The following EPHA5 variants were observed in gnomAD, a reference collection of about 807,000 sequenced individuals.
EPHA5 encodes the protein EPH receptor A5.
A neutral mutation model predicts 105.0 loss-of-function variants in EPHA5; 60 were observed. The observed-to-expected ratio is 0.57, with a 90% CI of 0.46 to 0.71. The LOEUF (loss-of-function observed/expected upper bound fraction) is 0.71. EPHA5 is among the 30% of genes least tolerant of loss of function. EPHA5 has a pLI of 0.00. For missense variants in EPHA5, 1,218 were observed against 1,274.7 expected, an observed-to-expected ratio of 0.96 and a Z score of 0.68; for synonymous variants, 513 against 449.1, an observed-to-expected ratio of 1.14 and a Z score of -1.80.
At chr4:65,356,974 A>G (rs1350208221) in intron 11 of EPHA5, among the ~76,000 whole-genome samples, 2 of 151,574 alleles carry the variant, frequency 1.3e-5, no homozygotes, top group Non-Finnish European at 3.0e-5. Context: ...GCATGTTATC[A>G]AAAATCCATA....
At chr4:65,369,784 C>G (rs1718276261) in intron 8 of EPHA5, among the ~76,000 whole-genome samples, 2 of 151,934 alleles carry the variant, frequency 1.3e-5, no homozygotes, top group Admixed American at 1.3e-4. Context: ...CTGGCCAACA[C>G]AGTGAAACCC....
Position 65,632,184 on chromosome 4 carries a change from T to A in EPHA5, c.246+11179A>T, listed in dbSNP as rs568103045. ...AATTGGATCATATCTGGAATCTAGA[T>A]TAGCTGATGTCAAGACCTCTATATT... is the stretch of plus-strand genomic sequence containing the variant. On this transcript the variant is annotated intron_variant, in intron 2 of 16. Coordinates refer to ENST00000613740, the MANE Select transcript of EPHA5 (RefSeq NM_001281766.3). Among the ~76,000 whole-genome samples the A allele has an allele frequency of 5.3e-5, 8 of 152,244 alleles. No homozygotes were observed. The East Asian group carries it at 1.2e-3, about 22-fold the overall frequency.
At chr4:65,419,381 T>C (rs534579507) in intron 6 of EPHA5, among the ~76,000 whole-genome samples, 11 of 152,142 alleles carry the variant, frequency 7.2e-5, no homozygotes, top group Non-Finnish European at 1.3e-4. Flanking sequence ...TCCCTTTTAC[T>C]CTTCCAGAAA....
At chr4:65,403,626 C>A (rs1722069623) in intron 8 of EPHA5, among the ~76,000 whole-genome samples, 1 of 151,692 alleles carries the variant, frequency 6.6e-6, no homozygotes, top group Non-Finnish European at 1.5e-5. Context: ...TTGTTTTATT[C>A]TACTTTATTG....
intron 16 of EPHA5, among the ~76,000 whole-genome samples, chr4:65,327,347 A>T (rs1720178289): frequency 6.6e-6 from 1 of 151,198 alleles, no homozygotes; most frequent in African/African-American, 2.4e-5. Context: ...ATCCCTTGAG[A>T]TGAATGTCAA....
chr4:65,358,497 C>A (rs982210764), intron 11 of EPHA5, among the ~76,000 whole-genome samples: 1 of 151,324 alleles, frequency 6.6e-6, no homozygotes, highest in African/African-American at 2.4e-5. Flanking sequence ...TTTATTCTTA[C>A]CCCAAAAGAA....
chr4:65,524,081 A>G (rs1735013741), intron 3 of EPHA5, among the ~76,000 whole-genome samples: 1 of 149,958 alleles, frequency 6.7e-6, no homozygotes, highest in Non-Finnish European at 1.5e-5. Flanking sequence ...GCTTCACCAT[A>G]TACTTCATTA....
intron 3 of EPHA5, among the ~76,000 whole-genome samples, chr4:65,578,437 T>C (rs1233687756): frequency 6.6e-6 from 1 of 152,170 alleles, no homozygotes; most frequent in Non-Finnish European, 1.5e-5. Context: ...CCAGGCTGTG[T>C]TGGGCCTGGA....
chr4:65,661,767 G>T (rs1264747978), intron 1 of EPHA5, among the ~76,000 whole-genome samples: 7 of 152,092 alleles, frequency 4.6e-5, no homozygotes, highest in Admixed American at 4.6e-4. Flanking sequence ...TCTGCCTACT[G>T]AGTTTGCCTT....
At chr4:65,595,317 G>C (rs1349068020) in intron 3 of EPHA5, among the ~76,000 whole-genome samples, 1 of 152,010 alleles carries the variant, frequency 6.6e-6, no homozygotes, top group Non-Finnish European at 1.5e-5. Flanking sequence ...GCTGGATAGA[G>C]TGCCTACTAC....
rs57048004 is a variant in EPHA5 at position 65,365,649 on chromosome 4, C to CTATATATATATA, written c.1987+271_1987+282dup. Among the ~76,000 whole-genome samples the CTATATATATATA allele has an allele frequency of 1.4e-3, 94 of 64,834 alleles. 1 individual carries two copies. The highest frequency in any genetic ancestry group is 2.3e-3 in the Non-Finnish European group (66 of 28,436). 42.5% of individuals were successfully genotyped at this position (64,834 alleles called of 152,430 possible). A position where few individuals can be genotyped will look rare whatever the true frequency, so the allele number is the denominator to read the frequency against. On this transcript the variant is annotated intron_variant, in intron 10 of 16. Coordinates refer to ENST00000613740, the MANE Select transcript of EPHA5 (RefSeq NM_001281766.3). Reference sequence around the variant, plus strand: ...AATACTTTTGGGTATTACAAATTCACTATATATATATATATATATATATAT... The same window carrying CTATATATATATA: ...AATACTTTTGGGTATTACAAATTCACTATATATATATATATATATATATATATATATATATAT...
chr4:65,654,026 T>C (rs575044035), intron 1 of EPHA5, among the ~76,000 whole-genome samples: 1 of 152,134 alleles, frequency 6.6e-6, no homozygotes, highest in African/African-American at 2.4e-5. Flanking sequence ...TCTGGGAAAG[T>C]TTTGTTGTTT....
chr4:65,432,599 A>G (rs1296797771), intron 5 of EPHA5, among the ~76,000 whole-genome samples: 2 of 151,744 alleles, frequency 1.3e-5, no homozygotes, highest in African/African-American at 2.4e-5. Flanking sequence ...ATGGAGTCTT[A>G]CTCTGTCACC....
intron 3 of EPHA5, among the ~76,000 whole-genome samples, chr4:65,573,240 T>C (rs1042161830): frequency 1.3e-5 from 2 of 150,044 alleles, no homozygotes; most frequent in Non-Finnish European, 3.0e-5. Context: ...TGAAACCCCG[T>C]CTCTACTAAA....
intron 5 of EPHA5, among the ~76,000 whole-genome samples, chr4:65,480,405 G>C (rs1041152680): frequency 6.6e-6 from 1 of 151,984 alleles, no homozygotes; most frequent in Non-Finnish European, 1.5e-5. Context: ...GTTTCTCCTC[G>C]CATAAAGGTA....
intron 5 of EPHA5, among the ~76,000 whole-genome samples, chr4:65,474,794 T>C (rs932917495): frequency 2.0e-5 from 3 of 152,164 alleles, no homozygotes; most frequent in Non-Finnish European, 2.9e-5. Flanking sequence ...CTCCCAAAAG[T>C]CAATCTTAAA....
chr4:65,617,039 G>C (rs1267627883), intron 2 of EPHA5, among the ~76,000 whole-genome samples: 1 of 151,964 alleles, frequency 6.6e-6, no homozygotes, highest in Non-Finnish European at 1.5e-5. Flanking sequence ...TCCCAAACTT[G>C]TATTGTGGGA....
intron 3 of EPHA5, among the ~76,000 whole-genome samples, chr4:65,579,570 T>C (rs558337018): frequency 2.6e-5 from 4 of 151,770 alleles, no homozygotes; most frequent in Non-Finnish European, 5.9e-5. Context: ...TATAAAATTA[T>C]GAGAATAATT....
rs530814279 is a variant in EPHA5, at chr4:65,508,178, G to A, written c.911-12635C>T. ...GGGTGCACAGTTTAAATATAAGCTG[G>A]ATGATTTATTCTGTAATTGAAAGAA... On this transcript the variant is annotated intron_variant, in intron 3 of 16. Transcript: ENST00000613740. Among the ~76,000 whole-genome samples the A allele has an allele frequency of 2.2e-4, 34 of 152,118 alleles. 1 individual carries two copies. The highest frequency in any genetic ancestry group is 5.5e-4 in the African/African-American group (23 of 41,532).
Sources: gnomAD v4.1 joint callset for allele counts (sites outside exome capture counted in the v4.1 genomes callset) on GRCh38, gnomAD v4.1.1 for gene constraint, MANE v1.5 for transcripts, NCBI Gene and HGNC (gene_info 2026-07-23, HGNC 2026-07-21) for gene names.